KIF26B: variants seen among roughly 807,000 people sequenced by gnomAD.
The protein encoded by KIF26B is kinesin family member 26B, also known as kinesin-like protein KIF26B.
Under a neutral mutation model 151.2 loss-of-function variants are expected in KIF26B, and 63 were observed. That is an observed-to-expected ratio of 0.42 (90% CI 0.34 to 0.51). The LOEUF (loss-of-function observed/expected upper bound fraction) is 0.51, where lower values mean the gene tolerates loss of function less well. Among genes scored for constraint, KIF26B ranks in the 20% least tolerant of loss-of-function variants. KIF26B has a pLI of 0.07. For synonymous variants in KIF26B, 1,357 were observed against 1,262.1 expected (o/e 1.08, Z -1.59); for missense variants, 2,813 against 2,913.6 (o/e 0.97, Z 0.79).
intron 9 of KIF26B, chr1:245,615,125 T>A (rs2043574613): frequency 6.6e-6 from 1 of 152,226 alleles, no homozygotes; most frequent in Non-Finnish European, 1.5e-5. Flanking sequence ...CTTCACCCTG[T>A]CAATGTAAGA....
intron 4 of KIF26B, among the ~76,000 whole-genome samples, chr1:245,503,330 G>A (rs1408942677): frequency 1.3e-5 from 2 of 152,120 alleles, no homozygotes; most frequent in African/African-American, 2.4e-5. Flanking sequence ...TTATTTGTAT[G>A]AAGTGCCAAG....
At chr1:245,370,378 C>G (rs543841350) in intron 3 of KIF26B, among the ~76,000 whole-genome samples, 3 of 148,522 alleles carry the variant, frequency 2.0e-5, no homozygotes, top group African/African-American at 7.4e-5. Flanking sequence ...TCATTACTTT[C>G]AATGGCAAAA....
chr1:245,341,238 C>T (rs982397086), intron 2 of KIF26B, among the ~76,000 whole-genome samples: 2 of 148,058 alleles, frequency 1.4e-5, no homozygotes, highest in Admixed American at 6.7e-5. Context: ...AAGTCTTCTT[C>T]AGTCTGTTTC....
At position 245,646,246 on chromosome 1, in the gene KIF26B, G is replaced by T. The variant is rs2043945029; in HGVS notation, c.2224G>T (p.Ala742Ser). The T allele has an allele frequency of 6.2e-7, 1 of 1,613,742 alleles. No homozygotes were observed. Among genetic ancestry groups the T allele is most frequent in the Non-Finnish European group, 8.5e-7 (1 of 1,179,862 alleles). ...GTCTGCTCTGGGCAATGTCATCCTG[G>T]CTCTCGTCAATGGCAGCAAACACAT... ...SLSALGNVIL[A>S]LVNGSKHIPY... The change falls in exon 10 of 15, where the codon GCT becomes TCT. Residue 742 changes from alanine (A) to serine (S), a missense_variant. Transcript: ENST00000407071.
chr1:245,594,900 A>G (rs762090201), intron 5 of KIF26B, among the ~76,000 whole-genome samples: 1 of 152,092 alleles, frequency 6.6e-6, no homozygotes, highest in Non-Finnish European at 1.5e-5. Context: ...TGTAAGTTGT[A>G]TTCCTAGGTA....
At chr1:245,623,703 G>A (rs909909695) in intron 9 of KIF26B, among the ~76,000 whole-genome samples, 1 of 152,136 alleles carries the variant, frequency 6.6e-6, no homozygotes, top group African/African-American at 2.4e-5. Context: ...CAAAAATATT[G>A]TCTAAGATTA....
chr1:245,200,884 G>A (rs1669287102), intron 2 of KIF26B, among the ~76,000 whole-genome samples: 1 of 152,326 alleles, frequency 6.6e-6, no homozygotes, highest in East Asian at 1.9e-4. Context: ...CACAGTACAG[G>A]ACGTTTTCCA....
intron 10 of KIF26B, among the ~76,000 whole-genome samples, chr1:245,658,800 T>TC (rs1342427283): frequency 6.6e-6 from 1 of 152,076 alleles, no homozygotes; most frequent in Non-Finnish European, 1.5e-5. Context: ...TGATCTCCTT[T>TC]CCCCCCTCCT....
At chr1:245,469,549 C>T (rs2103062771) in intron 4 of KIF26B, among the ~76,000 whole-genome samples, 1 of 152,252 alleles carries the variant, frequency 6.6e-6, no homozygotes, top group South Asian at 2.1e-4. Flanking sequence ...GCTATCCTGG[C>T]TTAATCAGTT....
chr1:245,394,502 A>G (rs1217568817), intron 3 of KIF26B, among the ~76,000 whole-genome samples: 1 of 152,094 alleles, frequency 6.6e-6, no homozygotes, highest in Non-Finnish European at 1.5e-5. Context: ...ACAGGCCTGT[A>G]GTCTCAGTTA....
rs894958047 is a variant in KIF26B at position 245,618,447 on chromosome 1, T to G, written c.2098+6471T>G. On this transcript the variant is annotated intron_variant, in intron 9 of 14. Transcript: ENST00000407071. ...TATCCAAGGCCTATTAGACTATAGG[T>G]TCCTTGAGACAGAGTGCCACAGTGC... Among the ~76,000 whole-genome samples, 6 of 151,556 alleles carry G rather than the reference T, an allele frequency of 4.0e-5. No homozygotes were observed. In the East Asian group the frequency reaches 1.2e-3, roughly 30 times the overall value.
chr1:245,309,887 T>C (rs1355122963), intron 2 of KIF26B, among the ~76,000 whole-genome samples: 2 of 146,168 alleles, frequency 1.4e-5, no homozygotes, highest in African/African-American at 5.0e-5. Flanking sequence ...AATAAATATA[T>C]ATCTCACTAT....
At chr1:245,390,456 G>A (rs934279627) in intron 3 of KIF26B, among the ~76,000 whole-genome samples, 3 of 152,064 alleles carry the variant, frequency 2.0e-5, no homozygotes, top group African/African-American at 7.2e-5. Flanking sequence ...ACTGGCCTCA[G>A]CCTCCCAAAG....
In KIF26B at chr1:245,173,051, A is replaced by G. The variant is rs906435164; in HGVS notation, c.465+16368A>G. 2.1e-4 allele frequency among the ~76,000 whole-genome samples: 32 copies of G among 152,226 alleles called. 1 individual carries two copies. The highest frequency in any genetic ancestry group is 1.4e-3 in the Admixed American group (21 of 15,286). On this transcript the variant is annotated intron_variant, in intron 2 of 14. Transcript: ENST00000407071. ...AAGCAAAATGTGGTATATCCATGCAATGGAATAGTATCCAGCCCTAAAAAA... is the reference window on the plus strand; with the variant it reads ...AAGCAAAATGTGGTATATCCATGCAGTGGAATAGTATCCAGCCCTAAAAAA...
chr1:245,690,460 G>T (rs1393101599), intron 12 of KIF26B, among the ~76,000 whole-genome samples: 1 of 152,210 alleles, frequency 6.6e-6, no homozygotes, highest in Non-Finnish European at 1.5e-5. Context: ...CTCTGTCATG[G>T]GGTGGCTTCT....
At chr1:245,511,205 T>C in intron 4 of KIF26B, 1 of 686,108 alleles carries the variant, frequency 1.5e-6, no homozygotes, top group Non-Finnish European at 2.7e-6. Flanking sequence ...TTTAACTTTT[T>C]CAGTTTCCTT....
chr1:245,302,687 G>A (rs764328369), intron 2 of KIF26B, among the ~76,000 whole-genome samples: 8 of 152,048 alleles, frequency 5.3e-5, no homozygotes, highest in Admixed American at 2.0e-4. Context: ...AAGGAAGTAC[G>A]TGGCAATATA....
intron 4 of KIF26B, among the ~76,000 whole-genome samples, chr1:245,531,935 C>CA (rs1661371222): frequency 1.3e-5 from 2 of 152,046 alleles, no homozygotes; most frequent in Admixed American, 1.3e-4. Context: ...TGTCTCTACA[C>CA]AAAAAACCTT....
intron 2 of KIF26B, among the ~76,000 whole-genome samples, chr1:245,246,892 CAG>C (rs1431821235): frequency 7.1e-5 from 10 of 140,978 alleles, no homozygotes; most frequent in South Asian, 2.3e-4. Flanking sequence ...CACACACACA[CAG>C]ACACACACAC....
Sources: allele counts gnomAD v4.1 joint callset (sites outside exome capture counted in the v4.1 genomes callset), GRCh38; gene constraint gnomAD v4.1.1; transcripts MANE v1.5; gene names NCBI Gene and HGNC (gene_info 2026-07-23, HGNC 2026-07-21).